The following ERMP1 variants were observed in gnomAD, a reference collection of about 807,000 sequenced individuals.
ERMP1 encodes the protein Felix-ina.
Under a neutral mutation model 92.0 loss-of-function variants are expected in ERMP1, and 86 were observed. The ratio of observed to expected loss-of-function variants is 0.93; its 90% CI spans 0.79 to 1.12. The LOEUF is 1.12. Ranked by LOEUF, ERMP1 falls within the 50% of genes most tolerant of loss-of-function variation. The probability of loss-of-function intolerance (pLI) is 0.00; values close to 1 mark genes in which losing one functional copy is unlikely to be tolerated. For missense variants in ERMP1, 1,342 were observed against 1,116.3 expected, an observed-to-expected ratio of 1.20 and a Z score of -2.88; for synonymous variants, 530 against 412.8, an observed-to-expected ratio of 1.28 and a Z score of -3.44.
At chr9:5,816,325 T>C (rs1402279915) in intron 4 of ERMP1, among the ~76,000 whole-genome samples, 1 of 152,212 alleles carries the variant, frequency 6.6e-6, no homozygotes, top group East Asian at 1.9e-4. Context: ...CAATGTTCTG[T>C]TACAGAAGAG....
Position 5,805,730 on chromosome 9 carries a change from T to G in ERMP1, c.1604A>C (p.His535Pro). Residue 535 changes from histidine (H) to proline (P), a missense_variant, in exon 9 of 15, where the codon CAT becomes CCT. By Grantham distance (77) the His-to-Pro change is moderately conservative. Coordinates refer to ENST00000339450, the MANE Select transcript of ERMP1 (RefSeq NM_024896.3). ...EVFFDISLFV[H>P]CCFLVTLTYQ... ...AGTGAGGGTAACAAGAAAACAGCAATGGACAAACAGCGAAATGTCAAAAAA... is the reference window on the plus strand; with the variant it reads ...AGTGAGGGTAACAAGAAAACAGCAAGGGACAAACAGCGAAATGTCAAAAAA... 1 of 1,612,562 alleles carries G rather than the reference T, an allele frequency of 6.2e-7. No individual in the cohort carries two copies.
chr9:5,814,403 T>C (rs1829224027), intron 4 of ERMP1, among the ~76,000 whole-genome samples: 4 of 152,300 alleles, frequency 2.6e-5, no homozygotes, highest in South Asian at 4.1e-4. Flanking sequence ...CTAAGAATAT[T>C]GTTTTTTTAA....
chr9:5,801,215 G>A lies in ERMP1; in HGVS notation c.2028C>T (p.Ser676=). ...VCSGTFFPYS[S]NPANPKPKRV... ...TCTTTGGCTTCGGATTAGCAGGATT[G>A]GAGCTATATGGAAAAAATGTTCCAC... Residue 676 remains serine (S), a synonymous_variant, in exon 11 of 15, where the codon TCC becomes TCT. Transcript: ENST00000339450. 1.2e-6 allele frequency: 2 copies of A among 1,613,672 alleles called. No individual in the cohort carries two copies. Among genetic ancestry groups the A allele is most frequent in the Non-Finnish European group, 1.7e-6 (2 of 1,179,812 alleles).
chr9:5,857,431 C>T (rs1830391673), intron 6 of ERMP1, among the ~76,000 whole-genome samples: 1 of 152,150 alleles, frequency 6.6e-6, no homozygotes, highest in African/African-American at 2.4e-5. Context: ...TACAACTCTG[C>T]GTGTGTCTCA....
At chr9:5,788,477 A>T (rs766676471) in intron 13 of ERMP1, among the ~76,000 whole-genome samples, 1 of 152,250 alleles carries the variant, frequency 6.6e-6, no homozygotes, top group African/African-American at 2.4e-5. Context: ...GAAGCAAAAG[A>T]AAATTCAGGG....
At chr9:5,802,257 C>T (rs765771952) in intron 10 of ERMP1, among the ~76,000 whole-genome samples, 8 of 152,174 alleles carry the variant, frequency 5.3e-5, no homozygotes, top group Non-Finnish European at 1.2e-4. Flanking sequence ...TACTGTTTTG[C>T]TGCAGATGCC....
At chr9:5,790,210 C>T (rs897233208) in intron 13 of ERMP1, among the ~76,000 whole-genome samples, 2 of 140,170 alleles carry the variant, frequency 1.4e-5, no homozygotes, top group Non-Finnish European at 1.5e-5. Context: ...GACGGAGTCT[C>T]GTTCTGTGGC....
At chr9:5,847,052 C>T (rs902572602) in intron 6 of ERMP1, among the ~76,000 whole-genome samples, 1 of 152,160 alleles carries the variant, frequency 6.6e-6, no homozygotes, top group African/African-American at 2.4e-5. Flanking sequence ...GCTCAGCAGC[C>T]CATAGGCAGC....
At position 5,831,032 on chromosome 9, in the gene ERMP1, G is replaced by A. The variant is rs754031478; in HGVS notation, c.339-4C>T. The A allele has an allele frequency of 1.1e-5, 17 of 1,599,894 alleles. No homozygotes were observed. The highest frequency in any genetic ancestry group is 5.6e-5 in the South Asian group (5 of 89,360). ...GGTTATGTGTTCAAGATAATCCCTG[G>A]AAGTAACCAAAAGAATAACAAAGGT... On this transcript the variant is annotated splice_polypyrimidine_tract_variant and splice_region_variant and intron_variant, in intron 1 of 14. Coordinates refer to ENST00000339450, the MANE Select transcript of ERMP1 (RefSeq NM_024896.3).
At chr9:5,829,835 C>T (rs1330225652) in intron 2 of ERMP1, among the ~76,000 whole-genome samples, 3 of 152,154 alleles carry the variant, frequency 2.0e-5, no homozygotes, top group African/African-American at 4.8e-5. Context: ...AAATGCTATG[C>T]CATTGTAAAT....
intron 4 of ERMP1, among the ~76,000 whole-genome samples, chr9:5,821,714 A>G (rs1039454196): frequency 1.3e-5 from 2 of 152,218 alleles, no homozygotes; most frequent in Non-Finnish European, 1.5e-5. Flanking sequence ...TTTTCTCTGG[A>G]TAGGAGCAGT....
chr9:5,858,578 G>T (rs1830414269), intron 6 of ERMP1, among the ~76,000 whole-genome samples: 1 of 152,186 alleles, frequency 6.6e-6, no homozygotes, highest in African/African-American at 2.4e-5. Context: ...TAAGTGCCCA[G>T]GGAGGCCCAC....
At chr9:5,828,705 T>C (rs780074528) in intron 2 of ERMP1, among the ~76,000 whole-genome samples, 7 of 152,192 alleles carry the variant, frequency 4.6e-5, no homozygotes, top group Non-Finnish European at 1.0e-4. Context: ...GTTAATAAAC[T>C]TCTATTTGGT....
intron 14 of ERMP1, 26 bp downstream of exon 14, chr9:5,787,404 A>T: frequency 1.9e-6 from 3 of 1,609,414 alleles, no homozygotes; most frequent in Non-Finnish European, 2.5e-6. Context: ...TAATCAATGA[A>T]ACAAACAATG....
intron 6 of ERMP1, among the ~76,000 whole-genome samples, chr9:5,844,891 C>T (rs1205225108): frequency 6.6e-6 from 1 of 152,204 alleles, no homozygotes; most frequent in African/African-American, 2.4e-5. Context: ...TTCTTCCCAA[C>T]TGGTCTACCA....
chr9:5,843,932 A>T (rs1830201698), intron 6 of ERMP1, among the ~76,000 whole-genome samples: 1 of 152,152 alleles, frequency 6.6e-6, no homozygotes, highest in Admixed American at 6.5e-5. Context: ...TGGGAAGAGC[A>T]GTGCATCCTG....
Position 5,832,958 on chromosome 9 carries a change from C to G in ERMP1, c.70G>C (p.Ala24Pro), listed in dbSNP as rs1048781995. ...TCCCTCTCCGGCGGTGGCGCGGCCG[C>G]CGCTCCCTCTCGACGCTCTACTCCG... ...RVGVERREGA[A>P]AAPPPEREAR... The change falls in exon 1 of 15, where the codon GCG becomes CCG. Residue 24 changes from alanine (A) to proline (P), a missense_variant. Coordinates refer to ENST00000339450, the MANE Select transcript of ERMP1 (RefSeq NM_024896.3). The G allele has an allele frequency of 1.3e-6, 2 of 1,565,948 alleles. No individual in the cohort carries two copies. The highest frequency in any genetic ancestry group is 2.3e-5 in the South Asian group (2 of 86,988).
intron 4 of ERMP1, among the ~76,000 whole-genome samples, chr9:5,816,135 CAG>C (rs1284685454): frequency 7.9e-5 from 12 of 152,200 alleles, no homozygotes; most frequent in African/African-American, 2.9e-4. Flanking sequence ...TTCCATGAGA[CAG>C]AGTTAAAAAG....
rs776985295 is a variant in ERMP1 at position 5,825,193 on chromosome 9, A to G, written c.667T>C (p.Ser223Pro). ...PGASDDAVSC[S>P]VMLEVLRVLS... ...ACGCGAAGGACTTCCAGCATCACTG[A>G]GCAGCTAACTGCATCATCACTGGCA... Residue 223 changes from serine to proline, a missense_variant, in exon 3 of 15, where the codon TCA becomes CCA. Coordinates refer to ENST00000339450, the MANE Select transcript of ERMP1 (RefSeq NM_024896.3). The G allele has an allele frequency of 6.2e-7, 1 of 1,613,388 alleles. No homozygotes were observed. Among genetic ancestry groups the G allele is most frequent in the Non-Finnish European group, 8.5e-7 (1 of 1,179,812 alleles).
Sources: allele counts gnomAD v4.1 joint callset (sites outside exome capture counted in the v4.1 genomes callset), GRCh38; gene constraint gnomAD v4.1.1; transcripts MANE v1.5; gene names NCBI Gene and HGNC (gene_info 2026-07-23, HGNC 2026-07-21).